Variants in SLC35F4 observed in about 807,000 individuals in gnomAD.
SLC35F4 encodes solute carrier family 35 member F4, also known as chromosome 14 open reading frame 36.
A neutral mutation model predicts 44.2 loss-of-function variants in SLC35F4; 24 were observed. The observed-to-expected ratio is 0.54, with a 90% confidence interval of 0.39 to 0.76. The LOEUF (loss-of-function observed/expected upper bound fraction) is 0.76. Ranked by LOEUF, SLC35F4 falls within the 30% of genes least tolerant of loss-of-function variation. The pLI is 0.00. For missense variants in SLC35F4, 562 were observed against 586.1 expected (o/e 0.96, Z 0.42); for synonymous variants, 238 against 223.6 (o/e 1.06, Z -0.57).
chr14:57,959,635 C>A (rs1251862333), intron 1 of SLC35F4, among the ~76,000 whole-genome samples: 1 of 152,170 alleles, frequency 6.6e-6, no homozygotes, highest in African/African-American at 2.4e-5. Flanking sequence ...ATGAGCAGCA[C>A]TGTAGGTTGA....
chr14:57,589,764 T>C (rs1249667917), intron 2 of SLC35F4, among the ~76,000 whole-genome samples: 1 of 152,260 alleles, frequency 6.6e-6, no homozygotes, highest in Non-Finnish European at 1.5e-5. Flanking sequence ...GCGGATGTTA[T>C]GCTGTTTTCC....
intron 1 of SLC35F4, among the ~76,000 whole-genome samples, chr14:57,694,710 C>T (rs1299375544): frequency 1.3e-5 from 2 of 152,214 alleles, no homozygotes; most frequent in East Asian, 3.9e-4. Flanking sequence ...GTATTTCTGT[C>T]TTGTCTCTCG....
intron 1 of SLC35F4, among the ~76,000 whole-genome samples, chr14:57,624,842 A>T (rs1440347019): frequency 6.6e-6 from 1 of 152,178 alleles, no homozygotes; most frequent in Non-Finnish European, 1.5e-5. Flanking sequence ...ACCCACAGCC[A>T]ATATCATACT....
chr14:57,968,518 T>C (rs1442396525), intron 1 of SLC35F4, among the ~76,000 whole-genome samples: 1 of 152,236 alleles, frequency 6.6e-6, no homozygotes, highest in Non-Finnish European at 1.5e-5. Context: ...GCAAGTGCAA[T>C]ATACCCTTTC....
intron 1 of SLC35F4, among the ~76,000 whole-genome samples, chr14:57,880,357 G>A (rs1888507820): frequency 1.3e-5 from 2 of 152,116 alleles, no homozygotes; most frequent in South Asian, 2.1e-4. Flanking sequence ...CTCAACTTAA[G>A]GGGCATATTC....
chr14:57,677,930 G>T (rs973409947), intron 1 of SLC35F4, among the ~76,000 whole-genome samples: 3 of 152,014 alleles, frequency 2.0e-5, no homozygotes, highest in Non-Finnish European at 4.4e-5. Flanking sequence ...TAATCAAACA[G>T]ATGCAAACTA....
chr14:57,736,910 T>C (rs1344828487), intron 1 of SLC35F4, among the ~76,000 whole-genome samples: 1 of 152,178 alleles, frequency 6.6e-6, no homozygotes, highest in Non-Finnish European at 1.5e-5. Context: ...TTTGGTTTCA[T>C]AGCCATCATA....
chr14:57,865,921 C>G lies in SLC35F4; in HGVS notation c.-96G>C, dbSNP rs1197340812. ...AGGTGCCGGAGCCGCTGGTGCTGAT[C>G]TTGCAGCTCCTGCTCCCGCGCCCGG... On this transcript the variant is annotated 5_prime_UTR_variant, in exon 1 of 8. Coordinates refer to ENST00000556826, the MANE Select transcript of SLC35F4 (RefSeq NM_001306087.2). The G allele has an allele frequency of 5.4e-6, 4 of 739,474 alleles. No homozygotes were observed. Among genetic ancestry groups the G allele is most frequent in the Non-Finnish European group, 8.0e-6 (4 of 497,706 alleles). The allele number at this position is 739,474 out of a possible 1,614,324, so 45.8% of individuals were successfully genotyped here. A position where few individuals can be genotyped will look rare whatever the true frequency, so the allele number is the denominator to read the frequency against.
chr14:57,834,100 T>A (rs912339717), intron 1 of SLC35F4, among the ~76,000 whole-genome samples: 1 of 152,150 alleles, frequency 6.6e-6, no homozygotes. Context: ...CCACCTAAGA[T>A]GAGAGCAACC....
At chr14:57,630,314 T>C (rs1566705112) in intron 1 of SLC35F4, 2 of 575,780 alleles carry the variant, frequency 3.5e-6, no homozygotes, top group South Asian at 1.7e-5. Context: ...ATTACAACTA[T>C]AGAAGGTCGT....
intron 1 of SLC35F4, among the ~76,000 whole-genome samples, chr14:57,653,072 T>C (rs566492206): frequency 1.6e-4 from 25 of 152,186 alleles, no homozygotes; most frequent in Non-Finnish European, 3.4e-4. Flanking sequence ...GCCTTCAATG[T>C]ATTAAAAAAC....
intron 1 of SLC35F4, among the ~76,000 whole-genome samples, chr14:57,899,208 C>T (rs978754832): frequency 7.9e-5 from 12 of 152,184 alleles, no homozygotes; most frequent in Non-Finnish European, 1.6e-4. Context: ...ACGTATTACA[C>T]GAAGCACTTC....
At chr14:57,851,271 A>T (rs1299145016) in intron 1 of SLC35F4, among the ~76,000 whole-genome samples, 1 of 152,202 alleles carries the variant, frequency 6.6e-6, no homozygotes, top group African/African-American at 2.4e-5. Context: ...TTTTGCATAC[A>T]TTATTATGAA....
At chr14:57,632,320 C>A (rs2072817808) in intron 1 of SLC35F4, among the ~76,000 whole-genome samples, 4 of 151,788 alleles carry the variant, frequency 2.6e-5, no homozygotes, top group Non-Finnish European at 5.9e-5. Context: ...AAACAGGACC[C>A]AGCTTATTTT....
In SLC35F4 at chr14:57,629,070, A is replaced by G. The variant is rs939365905; in HGVS notation, c.104-34946T>C. ...TTTGTTCAGAGACATGGTCGGAGCT[A>G]AGGGCACCACTCTTGCAGAACATTT... On this transcript the variant is annotated intron_variant, in intron 1 of 7. Transcript: ENST00000556826. 5.9e-5 allele frequency among the ~76,000 whole-genome samples: 9 copies of G among 152,264 alleles called. No homozygotes were observed. In the East Asian group the frequency reaches 1.7e-3, roughly 29 times the overall value.
intron 1 of SLC35F4, among the ~76,000 whole-genome samples, chr14:57,909,331 T>C (rs1009703320): frequency 6.6e-6 from 1 of 152,158 alleles, no homozygotes; most frequent in Non-Finnish European, 1.5e-5. Flanking sequence ...TTTGGTGCTC[T>C]ACATTCTATG....
intron 1 of SLC35F4, among the ~76,000 whole-genome samples, chr14:57,757,380 C>T (rs1387353767): frequency 6.6e-6 from 1 of 151,988 alleles, no homozygotes; most frequent in East Asian, 1.9e-4. Context: ...CTTTATTTAC[C>T]TTTCACTCTA....
intron 1 of SLC35F4, among the ~76,000 whole-genome samples, chr14:57,903,357 GA>G (rs1330419551): frequency 6.6e-6 from 1 of 152,166 alleles, no homozygotes; most frequent in East Asian, 1.9e-4. Context: ...CTCACCTGGG[GA>G]ATATGTGGGA....
intron 1 of SLC35F4, chr14:57,630,661 G>A: frequency 1.5e-6 from 1 of 682,544 alleles, no homozygotes; most frequent in Non-Finnish European, 2.7e-6. Context: ...TCAAGGTCTT[G>A]GACTAGTCCT....
Sources: gnomAD v4.1 joint callset for allele counts (sites outside exome capture counted in the v4.1 genomes callset) on GRCh38, gnomAD v4.1.1 for gene constraint, MANE v1.5 for transcripts, NCBI Gene and HGNC (gene_info 2026-07-23, HGNC 2026-07-21) for gene names.